Variants in SNX29 observed in about 807,000 individuals in gnomAD.
SNX29 encodes the protein sorting nexin-29.
In SNX29, 78 loss-of-function variants were observed where a neutral mutation model predicts 102.1. The ratio of observed to expected loss-of-function variants is 0.76; its 90% CI spans 0.64 to 0.92. SNX29 has a LOEUF of 0.92. Among genes scored for constraint, SNX29 ranks in the 40% least tolerant of loss-of-function variants. The probability of loss-of-function intolerance (pLI) is 0.00; values close to 1 mark genes in which losing one functional copy is unlikely to be tolerated. For missense variants in SNX29, 1,280 were observed against 1,061.7 expected (o/e 1.21, Z -2.86); for synonymous variants, 580 against 414.5 (o/e 1.40, Z -4.85).
At chr16:12,003,570 G>T (rs1280188564) in intron 3 of SNX29, among the ~76,000 whole-genome samples, 2 of 152,214 alleles carry the variant, frequency 1.3e-5, no homozygotes, top group African/African-American at 4.8e-5. Context: ...AGTGGTCCTA[G>T]CTATGTTAGA....
chr16:12,157,345 G>A (rs1030806019), intron 13 of SNX29, among the ~76,000 whole-genome samples: 6 of 152,156 alleles, frequency 3.9e-5, no homozygotes, highest in African/African-American at 1.4e-4. Flanking sequence ...AGGTGGGAGT[G>A]AGTAGGCGAT....
intron 15 of SNX29, among the ~76,000 whole-genome samples, chr16:12,311,581 G>A (rs77240619): frequency 6.6e-6 from 1 of 152,232 alleles, no homozygotes; most frequent in African/African-American, 2.4e-5. Flanking sequence ...TGGCCCGTCC[G>A]CCTTTAGGTC....
rs935152946 is a variant in SNX29 at position 12,294,237 on chromosome 16, G to A, written c.1782+16201G>A. Among the ~76,000 whole-genome samples, 3 of 152,214 alleles carry A rather than the reference G, an allele frequency of 2.0e-5. No homozygotes were observed. The South Asian group carries it at 6.2e-4, about 32-fold the overall frequency. The stretch of plus-strand genomic sequence containing the variant: ...CCAATGTGTAGCATTTATAGATCAA[G>A]TAGGGAGTTGTATGCATGGCTCCTG... On this transcript the variant is annotated intron_variant, in intron 15 of 20. Transcript: ENST00000566228.
rs538776847 is a variant in SNX29, at chr16:12,551,459, A to G, written c.2319-17047A>G. ...TCACCCAGCATGCTTTTAAAAATAC[A>G]GAGGCCAGGCCCTGCCTGGTTAATG... On this transcript the variant is annotated intron_variant, in intron 20 of 20. Transcript: ENST00000566228. Among the ~76,000 whole-genome samples the G allele has an allele frequency of 3.9e-5, 6 of 152,334 alleles. No homozygotes were observed. The South Asian group carries it at 1.2e-3, about 32-fold the overall frequency.
At chr16:12,067,947 T>TA (rs1187685509) in intron 9 of SNX29, among the ~76,000 whole-genome samples, 2 of 152,230 alleles carry the variant, frequency 1.3e-5, no homozygotes, top group Non-Finnish European at 2.9e-5. Context: ...AGAGACTACT[T>TA]ATGGCCCCAG....
At chr16:12,299,935 A>G (rs1370105938) in intron 15 of SNX29, among the ~76,000 whole-genome samples, 7 of 152,068 alleles carry the variant, frequency 4.6e-5, no homozygotes, top group African/African-American at 1.4e-4. Flanking sequence ...CAGTCGCGCA[A>G]TCTTGGCTCA....
intron 16 of SNX29, among the ~76,000 whole-genome samples, chr16:12,392,738 G>A (rs1333416054): frequency 6.6e-6 from 1 of 152,210 alleles, no homozygotes; most frequent in Non-Finnish European, 1.5e-5. Flanking sequence ...GACCTCAGCT[G>A]TTTTTAAAAA....
chr16:12,543,453 C>G (rs752811000), intron 20 of SNX29, among the ~76,000 whole-genome samples: 57 of 152,318 alleles, frequency 3.7e-4, no homozygotes, highest in African/African-American at 1.3e-3. Context: ...GTTCATGCTG[C>G]GGGGTCTGGT....
intron 14 of SNX29, among the ~76,000 whole-genome samples, chr16:12,240,703 G>C (rs1023050041): frequency 5.5e-5 from 8 of 146,486 alleles, no homozygotes; most frequent in African/African-American, 2.0e-4. Flanking sequence ...AGGTTCAGGT[G>C]ATCCTCCCTC....
chr16:12,263,943 T>A (rs753383281), intron 14 of SNX29, among the ~76,000 whole-genome samples: 20 of 152,202 alleles, frequency 1.3e-4, no homozygotes, highest in Non-Finnish European at 1.5e-4. Flanking sequence ...CATGATCTGA[T>A]GTTCTATTAA....
intron 4 of SNX29, 102 bp from the exon 5 acceptor site, chr16:12,042,795 C>G: frequency 8.3e-7 from 1 of 1,205,014 alleles, no homozygotes; most frequent in Non-Finnish European, 1.2e-6. Context: ...TAAGGGGATA[C>G]TCTGTTACAA....
At chr16:12,212,747 C>T (rs752498132) in intron 14 of SNX29, among the ~76,000 whole-genome samples, 32 of 152,100 alleles carry the variant, frequency 2.1e-4, no homozygotes, top group Admixed American at 7.9e-4. Context: ...AACCCCTTAT[C>T]GGATGTGTAC....
chr16:12,314,408 G>A (rs2080664290), intron 15 of SNX29, among the ~76,000 whole-genome samples: 2 of 152,268 alleles, frequency 1.3e-5, no homozygotes, highest in African/African-American at 4.8e-5. Flanking sequence ...AGTGGACTCT[G>A]GAGCCAGACA....
intron 3 of SNX29, among the ~76,000 whole-genome samples, chr16:12,017,063 A>C (rs528810825): frequency 6.6e-6 from 1 of 152,284 alleles, no homozygotes; most frequent in East Asian, 1.9e-4. Flanking sequence ...CGGGAGGTCG[A>C]GACTGCGGTG....
intron 19 of SNX29, among the ~76,000 whole-genome samples, chr16:12,513,124 C>G (rs997833188): frequency 5.9e-5 from 9 of 151,652 alleles, no homozygotes; most frequent in African/African-American, 2.2e-4. Context: ...CTTCTCCTCT[C>G]TGACCCTGCC....
At chr16:12,383,772 CTTTT>C (rs58531196) in intron 16 of SNX29, among the ~76,000 whole-genome samples, 2 of 105,944 alleles carry the variant, frequency 1.9e-5, no homozygotes, top group Non-Finnish European at 3.8e-5. Context: ...CGTCAACTTT[CTTTT>C]TTTTTTTTTT....
At position 12,539,949 on chromosome 16, in the gene SNX29, T is replaced by A. The variant is rs377708917; in HGVS notation, c.2318+15108T>A. 9.8e-5 allele frequency among the ~76,000 whole-genome samples: 15 copies of A among 152,336 alleles called. No individual in the cohort carries two copies. In the East Asian group the frequency reaches 1.7e-3, roughly 18 times the overall value. The stretch of plus-strand genomic sequence containing the variant: ...TTGTATATGTTAGATGCAAGACCTT[T>A]GTCGAACATGTGAGTTGCACATATT... On this transcript the variant is annotated intron_variant, in intron 20 of 20. Transcript: ENST00000566228.
rs1002325127 is a variant in SNX29, at chr16:12,574,087, C to G, written c.*5458C>G. 5.3e-6 allele frequency: 1 copy of G among 190,426 alleles called. No individual in the cohort carries two copies. The highest frequency in any genetic ancestry group is 1.1e-5 in the Non-Finnish European group (1 of 90,756). 11.8% of individuals were successfully genotyped at this position (190,426 alleles called of 1,614,324 possible). On this transcript the variant is annotated 3_prime_UTR_variant, in exon 21 of 21. Coordinates refer to ENST00000566228, the MANE Select transcript of SNX29 (RefSeq NM_032167.5). Reference sequence around the variant, plus strand: ...AGAAGTCTGTGGAAACGCCCTGAAACCTGTAGTATTATCTTAACTACCCTC... The same window carrying G: ...AGAAGTCTGTGGAAACGCCCTGAAAGCTGTAGTATTATCTTAACTACCCTC...
At chr16:12,274,853 A>T (rs1343863437) in intron 14 of SNX29, among the ~76,000 whole-genome samples, 7 of 152,110 alleles carry the variant, frequency 4.6e-5, no homozygotes, top group Non-Finnish European at 1.0e-4. Context: ...TCACTCTGTA[A>T]AAGGGCTTTT....
Sources: gnomAD v4.1 joint callset for allele counts (sites outside exome capture counted in the v4.1 genomes callset) on GRCh38, gnomAD v4.1.1 for gene constraint, MANE v1.5 for transcripts, NCBI Gene and HGNC (gene_info 2026-07-23, HGNC 2026-07-21) for gene names.